PAPPA2: variants seen among roughly 807,000 people sequenced by gnomAD.
The protein encoded by PAPPA2 is pappalysin-2.
In PAPPA2, 86 loss-of-function variants were observed where a neutral mutation model predicts 176.4. That is an observed-to-expected ratio of 0.49 (90% CI 0.41 to 0.58). The LOEUF is 0.58. Ranked by LOEUF, PAPPA2 falls within the 20% of genes least tolerant of loss-of-function variation. PAPPA2 has a pLI of 0.00. For synonymous variants in PAPPA2, 809 were observed against 852.2 expected, an observed-to-expected ratio of 0.95 and a Z score of 0.88; for missense variants, 2,073 against 2,256.9, an observed-to-expected ratio of 0.92 and a Z score of 1.65.
chr1:176,537,136 A>C (rs925034757), intron 1 of PAPPA2, among the ~76,000 whole-genome samples: 2 of 152,212 alleles, frequency 1.3e-5, no homozygotes, highest in Admixed American at 6.5e-5. Context: ...TTCTAAAGGA[A>C]ACTTTCTTTA....
intron 1 of PAPPA2, among the ~76,000 whole-genome samples, chr1:176,470,518 T>C (rs1323205456): frequency 6.6e-6 from 1 of 152,014 alleles, no homozygotes; most frequent in Non-Finnish European, 1.5e-5. Context: ...GGGAGAGGAA[T>C]GATCAGGCCA....
intron 8 of PAPPA2, among the ~76,000 whole-genome samples, chr1:176,702,309 A>G (rs1024443966): frequency 2.0e-5 from 3 of 152,224 alleles, no homozygotes; most frequent in African/African-American, 7.2e-5. Context: ...GTAAAAATGC[A>G]CTTGAAATAC....
At chr1:176,486,860 G>A (rs1478835092) in intron 1 of PAPPA2, among the ~76,000 whole-genome samples, 1 of 152,116 alleles carries the variant, frequency 6.6e-6, no homozygotes, top group Non-Finnish European at 1.5e-5. Flanking sequence ...TGAAGAAGGA[G>A]GCTTTGTAAT....
chr1:176,780,295 A>C (rs1456351811), intron 17 of PAPPA2, among the ~76,000 whole-genome samples: 4 of 147,734 alleles, frequency 2.7e-5, no homozygotes, highest in Non-Finnish European at 5.9e-5. Context: ...AACTTTGTGA[A>C]GATGCAAAAG....
chr1:176,533,062 A>C (rs1649897248), intron 1 of PAPPA2, among the ~76,000 whole-genome samples: 1 of 152,180 alleles, frequency 6.6e-6, no homozygotes, highest in African/African-American at 2.4e-5. Context: ...CTTGCTTTGT[A>C]ACTCAAAACT....
chr1:176,474,835 A>G (rs1652041356), intron 1 of PAPPA2, among the ~76,000 whole-genome samples: 1 of 152,208 alleles, frequency 6.6e-6, no homozygotes, highest in Non-Finnish European at 1.5e-5. Context: ...GTGACTTGTC[A>G]TGGCTCTAGA....
At position 176,842,370 on chromosome 1, in the gene PAPPA2, A is replaced by G; in HGVS notation, c.5302-10A>G. 1 of 1,611,652 alleles carries G rather than the reference A, an allele frequency of 6.2e-7. No homozygotes were observed. The highest frequency in any genetic ancestry group is 8.5e-7 in the Non-Finnish European group (1 of 1,178,206). ...AATGAGCTATTTCTACTTCCCTTTC[A>G]TTCCCCTAGGTCATTCCATTTGCTG... is the stretch of plus-strand genomic sequence containing the variant. On this transcript the variant is annotated splice_polypyrimidine_tract_variant and intron_variant, in intron 22 of 22. Transcript: ENST00000367662.
At chr1:176,513,594 C>T (rs1006176276) in intron 1 of PAPPA2, among the ~76,000 whole-genome samples, 1 of 152,176 alleles carries the variant, frequency 6.6e-6, no homozygotes, top group Non-Finnish European at 1.5e-5. Context: ...CTTCTGTGAA[C>T]CAGTTGTGTT....
intron 21 of PAPPA2, chr1:176,836,818 A>T (rs1348342982): frequency 1.3e-5 from 2 of 152,182 alleles, no homozygotes; most frequent in Non-Finnish European, 2.9e-5. Context: ...AAATAAAAAT[A>T]AAAAATAAAT....
intron 1 of PAPPA2, among the ~76,000 whole-genome samples, chr1:176,473,026 A>G (rs1651952975): frequency 6.6e-6 from 1 of 152,180 alleles, no homozygotes; most frequent in South Asian, 2.1e-4. Context: ...CTACAATGAC[A>G]CATCATTATC....
chr1:176,734,851 G>A (rs1248349654), intron 12 of PAPPA2, among the ~76,000 whole-genome samples: 2 of 152,086 alleles, frequency 1.3e-5, no homozygotes, highest in Non-Finnish European at 2.9e-5. Context: ...GACCACGAAT[G>A]GCTTTTAAAA....
intron 3 of PAPPA2, among the ~76,000 whole-genome samples, chr1:176,623,807 C>CTTTCTTTCTTTCT (rs746043564): frequency 8.9e-4 from 44 of 49,370 alleles, no homozygotes; most frequent in East Asian, 2.7e-3. Flanking sequence ...TTCTTTCTTT[C>CTTTCTTTCTTTCT]TTCTTTCTTT....
chr1:176,572,413 G>A (rs1652401722), intron 2 of PAPPA2, among the ~76,000 whole-genome samples: 1 of 152,126 alleles, frequency 6.6e-6, no homozygotes, highest in African/African-American at 2.4e-5. Context: ...AGACTCACCT[G>A]GGTTCAATTT....
At chr1:176,491,391 C>G (rs912321340) in intron 1 of PAPPA2, among the ~76,000 whole-genome samples, 3 of 152,112 alleles carry the variant, frequency 2.0e-5, no homozygotes, top group Admixed American at 1.3e-4. Flanking sequence ...GACATCTAGG[C>G]TGGGCTTGAA....
chr1:176,469,131 G>A (rs1266360077), intron 1 of PAPPA2, among the ~76,000 whole-genome samples: 1 of 152,186 alleles, frequency 6.6e-6, no homozygotes, highest in African/African-American at 2.4e-5. Flanking sequence ...AAGAGCATTG[G>A]TCTCAATAAC....
intron 1 of PAPPA2, among the ~76,000 whole-genome samples, chr1:176,520,063 G>A (rs545307597): frequency 1.3e-5 from 2 of 152,264 alleles, no homozygotes; most frequent in Admixed American, 1.3e-4. Flanking sequence ...TCAGAATTTT[G>A]GCTGCACAGA....
chr1:176,792,729 T>C (rs1401644478), intron 19 of PAPPA2, among the ~76,000 whole-genome samples: 2 of 151,706 alleles, frequency 1.3e-5, no homozygotes, highest in Non-Finnish European at 2.9e-5. Flanking sequence ...AAGTTAAAAA[T>C]AAATAAATAA....
At chr1:176,602,034 T>A (rs1376941440) in intron 3 of PAPPA2, among the ~76,000 whole-genome samples, 1 of 152,180 alleles carries the variant, frequency 6.6e-6, no homozygotes, top group Non-Finnish European at 1.5e-5. Flanking sequence ...GAGAAAAGTC[T>A]CCAAATAAAA....
chr1:176,559,561 C>T (rs1651536144), intron 2 of PAPPA2, among the ~76,000 whole-genome samples: 1 of 152,184 alleles, frequency 6.6e-6, no homozygotes, highest in Non-Finnish European at 1.5e-5. Context: ...TGCCTGAGAA[C>T]CATAATGTTG....
Sources: allele counts gnomAD v4.1 joint callset (sites outside exome capture counted in the v4.1 genomes callset), GRCh38; gene constraint gnomAD v4.1.1; transcripts MANE v1.5; gene names NCBI Gene and HGNC (gene_info 2026-07-23, HGNC 2026-07-21).